RICTOR: variants seen among roughly 807,000 people sequenced by gnomAD.
RICTOR encodes the protein rapamycin-insensitive companion of mTOR.
RICTOR carries 49 observed loss-of-function variants against 214.9 expected under a neutral mutation model. The ratio of observed to expected loss-of-function variants is 0.23; its 90% confidence interval spans 0.18 to 0.29. The LOEUF (loss-of-function observed/expected upper bound fraction) is 0.29, where lower values mean the gene tolerates loss of function less well. Ranked by LOEUF, RICTOR falls within the 10% of genes least tolerant of loss-of-function variation. The pLI, the probability that RICTOR is intolerant of heterozygous loss-of-function variation, is 1.00. For missense variants in RICTOR, 1,625 were observed against 2,047.0 expected, an observed-to-expected ratio of 0.79 and a Z score of 3.98; for synonymous variants, 717 against 711.3, an observed-to-expected ratio of 1.01 and a Z score of -0.13.
chr5:38,943,485 G>A (rs1161063316), intron 36 of RICTOR, among the ~76,000 whole-genome samples: 1 of 151,978 alleles, frequency 6.6e-6, no homozygotes, highest in African/African-American at 2.4e-5. Context: ...TGATACCTAT[G>A]TGGGACCCCA....
intron 2 of RICTOR, among the ~76,000 whole-genome samples, chr5:39,037,912 C>T (rs1430987727): frequency 2.6e-5 from 4 of 152,188 alleles, no homozygotes; most frequent in Admixed American, 6.5e-5. Context: ...TAGTATCATT[C>T]CTTCTGAAAC....
intron 7 of RICTOR, among the ~76,000 whole-genome samples, chr5:38,987,354 G>C (rs928392867): frequency 6.6e-6 from 1 of 152,042 alleles, no homozygotes; most frequent in Admixed American, 6.6e-5. Context: ...ATCTGGTCCT[G>C]GGCTTTTTTT....
intron 29 of RICTOR, 73 bp from the exon 30 acceptor site, chr5:38,952,498 T>C (rs1748880041): frequency 6.1e-6 from 6 of 985,588 alleles, no homozygotes; most frequent in Non-Finnish European, 9.2e-6. Context: ...ACAGATTAAT[T>C]TGCTATACAT....
chr5:38,954,142 C>G (rs974770495), intron 27 of RICTOR, among the ~76,000 whole-genome samples: 1 of 151,812 alleles, frequency 6.6e-6, no homozygotes, highest in African/African-American at 2.4e-5. Flanking sequence ...CAATCGGGAA[C>G]TAAATTGTTA....
chr5:38,999,893 A>T (rs72732754), intron 5 of RICTOR, among the ~76,000 whole-genome samples: 32,582 of 151,936 alleles, frequency 0.21, 4,250 homozygotes, highest in South Asian at 0.31. Flanking sequence ...AGACACTTAA[A>T]TGTAAAGACA....
intron 31 of RICTOR, 125 bp downstream of exon 31, chr5:38,949,577 TATAGCCTACC>T (rs1284483101): frequency 4.8e-6 from 5 of 1,049,070 alleles, no homozygotes; most frequent in African/African-American, 1.6e-5. Context: ...ACAAGGAGCT[TATAGCCTACC>T]ATAGTAAACA....
intron 10 of RICTOR, among the ~76,000 whole-genome samples, chr5:38,972,321 A>G (rs1750855038): frequency 2.0e-5 from 3 of 152,176 alleles, no homozygotes; most frequent in Non-Finnish European, 4.4e-5. Flanking sequence ...TAAAGTGAAA[A>G]ACTCTACTTG....
intron 16 of RICTOR, 38 bp downstream of exon 16, chr5:38,964,754 A>G (rs763967386): frequency 9.5e-7 from 1 of 1,049,298 alleles, no homozygotes; most frequent in Non-Finnish European, 1.4e-6. Context: ...GATATTAAAT[A>G]TATCAAACAA....
intron 32 of RICTOR, 75 bp from the exon 33 acceptor site, chr5:38,946,627 CAAAATAAAATT>C (rs1314678425): frequency 6.8e-6 from 6 of 885,452 alleles, no homozygotes; most frequent in Non-Finnish European, 1.1e-5. Flanking sequence ...CAAAATTAAA[CAAAATAAAATT>C]AAAATAGAAT....
At chr5:39,074,206 A>G (rs766690904) in intron 1 of RICTOR, 48 bp from the exon 2 acceptor site, 1 of 1,584,470 alleles carries the variant, frequency 6.3e-7, no homozygotes, top group African/African-American at 1.4e-5. Flanking sequence ...CTCGCAGGCC[A>G]GCTGCGGCTG....
chr5:38,966,769 A>AAAACATTT, intron 14 of RICTOR, 48 bp from the exon 15 acceptor site: 1 of 1,028,782 alleles, frequency 9.7e-7, no homozygotes, highest in East Asian at 2.4e-5. Context: ...AATACATATG[A>AAAACATTT]AAACATTTAT....
chr5:39,021,938 TGGTCTGTGACTTAGAAC>T (rs1463773860), intron 2 of RICTOR, among the ~76,000 whole-genome samples: 2 of 152,176 alleles, frequency 1.3e-5, no homozygotes, highest in Non-Finnish European at 2.9e-5. Context: ...AATATATAGA[TGGTCTGTGACTTAGAAC>T]GGTTAGACCT....
intron 8 of RICTOR, among the ~76,000 whole-genome samples, chr5:38,979,763 T>C (rs1449313548): frequency 6.6e-6 from 1 of 152,186 alleles, no homozygotes; most frequent in Non-Finnish European, 1.5e-5. Context: ...TTCCTCCCTA[T>C]GTATTATCTT....
chr5:38,990,616 C>A (rs1348337648), intron 7 of RICTOR, among the ~76,000 whole-genome samples: 1,155 of 78,890 alleles, frequency 0.015, 148 homozygotes, highest in African/African-American at 0.055. Context: ...GATATATATA[C>A]GATATATGAT....
intron 2 of RICTOR, among the ~76,000 whole-genome samples, chr5:39,060,532 T>G (rs531236221): frequency 6.6e-6 from 1 of 151,996 alleles, no homozygotes; most frequent in African/African-American, 2.4e-5. Flanking sequence ...AGTAATAAAT[T>G]GTCTTCACCC....
chr5:39,046,154 A>G (rs1324772616), intron 2 of RICTOR, among the ~76,000 whole-genome samples: 2 of 151,596 alleles, frequency 1.3e-5, no homozygotes. Context: ...GTTCAACACC[A>G]GCAATAAGAG....
Position 38,939,620 on chromosome 5 carries a change from CAATT to C in RICTOR, c.*2680_*2683del. ...TGAAAAAAAGTTCAATTAGAAATAACAATTCACTTTACGATTAGAAATTCATAGT... is the reference window on the plus strand; with the variant it reads ...TGAAAAAAAGTTCAATTAGAAATAACCACTTTACGATTAGAAATTCATAGT... On this transcript the variant is annotated 3_prime_UTR_variant, in exon 38 of 38. Coordinates refer to ENST00000357387, the MANE Select transcript of RICTOR (RefSeq NM_152756.5). 1 of 230,432 alleles carries C rather than the reference CAATT, an allele frequency of 4.3e-6. No individual in the cohort carries two copies. Among genetic ancestry groups the C allele is most frequent in the Non-Finnish European group, 8.6e-6 (1 of 116,360 alleles). The allele number at this position is 230,432 out of a possible 1,614,324, so 14.3% of individuals were successfully genotyped here. A position where few individuals can be genotyped will look rare whatever the true frequency, so the allele number is the denominator to read the frequency against.
intron 16 of RICTOR, among the ~76,000 whole-genome samples, chr5:38,964,289 G>T (rs1750034958): frequency 6.6e-6 from 1 of 151,656 alleles, no homozygotes; most frequent in Non-Finnish European, 1.5e-5. Flanking sequence ...AGCTACAATT[G>T]TATTACCATA....
chr5:39,053,917 C>T (rs1313463226), intron 2 of RICTOR, among the ~76,000 whole-genome samples: 1 of 138,486 alleles, frequency 7.2e-6, no homozygotes, highest in African/African-American at 2.7e-5. Context: ...CCCGTCTCTA[C>T]TAAAAATACA....
Sources: gnomAD v4.1 joint callset for allele counts (sites outside exome capture counted in the v4.1 genomes callset) on GRCh38, gnomAD v4.1.1 for gene constraint, MANE v1.5 for transcripts, NCBI Gene and HGNC (gene_info 2026-07-23, HGNC 2026-07-21) for gene names.